SPARCL1: variants seen among roughly 807,000 people sequenced by gnomAD.
SPARCL1 encodes the protein SPARC-like protein 1.
SPARCL1 carries 52 observed loss-of-function variants against 67.1 expected under a neutral mutation model. The observed-to-expected ratio is 0.78, with a 90% CI of 0.62 to 0.98. The LOEUF (loss-of-function observed/expected upper bound fraction) is 0.98. SPARCL1 is among the 50% of genes least tolerant of loss of function. The probability of loss-of-function intolerance (pLI) is 0.00; values close to 1 mark genes in which losing one functional copy is unlikely to be tolerated. For synonymous variants in SPARCL1, 226 were observed against 267.8 expected (o/e 0.84, Z 1.52); for missense variants, 717 against 782.4 (o/e 0.92, Z 1.00).
At chr4:87,479,717 C>G (rs575865057) in intron 9 of SPARCL1, 139 bp from the exon 10 acceptor site, 1 of 740,294 alleles carries the variant, frequency 1.4e-6, no homozygotes, top group Non-Finnish European at 2.2e-6. Context: ...AAACTGCCAA[C>G]GAAATAAAGT....
At position 87,505,723 on chromosome 4, in the gene SPARCL1, T is replaced by TG. The variant is rs1553970442; in HGVS notation, c.-11-6139dup. 9.2e-4 allele frequency among the ~76,000 whole-genome samples: 99 copies of TG among 107,938 alleles called. 1 individual carries two copies. Among genetic ancestry groups the TG allele is most frequent in the East Asian group, 6.1e-3 (13 of 2,128 alleles). The allele number at this position is 107,938 out of a possible 152,430, so 70.8% of individuals were successfully genotyped here. On this transcript the variant is annotated intron_variant, in intron 1 of 10. Coordinates refer to ENST00000282470, the MANE Select transcript of SPARCL1 (RefSeq NM_004684.6). ...GTGCAAACTATTATGCTCAGCTAATTGTTTTTTTTTTTTTTTGTAGAGATG... is the reference window on the plus strand; with the variant it reads ...GTGCAAACTATTATGCTCAGCTAATTGGTTTTTTTTTTTTTTTGTAGAGATG...
intron 1 of SPARCL1, among the ~76,000 whole-genome samples, chr4:87,515,040 T>C (rs1725524378): frequency 6.6e-6 from 1 of 152,184 alleles, no homozygotes; most frequent in Non-Finnish European, 1.5e-5. Flanking sequence ...AAACTCCAGA[T>C]GAAAAATGCA....
chr4:87,524,917 C>T (rs369410874), intron 1 of SPARCL1, among the ~76,000 whole-genome samples: 1 of 152,096 alleles, frequency 6.6e-6, no homozygotes, highest in Non-Finnish European at 1.5e-5. Flanking sequence ...AATCCCAGCA[C>T]CTTGGGAGCC....
chr4:87,524,759 G>C (rs1214129601), intron 1 of SPARCL1, among the ~76,000 whole-genome samples: 2 of 152,164 alleles, frequency 1.3e-5, no homozygotes, highest in Non-Finnish European at 2.9e-5. Context: ...TTTCTACGAA[G>C]TGAGCAGCAG....
intron 1 of SPARCL1, among the ~76,000 whole-genome samples, chr4:87,514,023 G>A (rs955203720): frequency 3.0e-4 from 45 of 152,052 alleles, no homozygotes; most frequent in Admixed American, 6.5e-4. Context: ...GTGAAACCCC[G>A]TCTCTACTGA....
In SPARCL1 at chr4:87,493,762, A is replaced by G. The variant is rs764387648; in HGVS notation, c.1038T>C (p.Asp346=). The part of the protein sequence containing the change: ...GVDDDGDDDG[D]DGGTDGPRHS... Reference sequence around the variant, plus strand: ...GCCTGGGGCCATCAGTGCCGCCATCATCGCCATCATCATCGCCATCATCAT... The same window carrying G: ...GCCTGGGGCCATCAGTGCCGCCATCGTCGCCATCATCATCGCCATCATCAT... Residue 346 remains aspartate, a synonymous_variant, in exon 4 of 11, where the codon GAT becomes GAC. Coordinates refer to ENST00000282470, the MANE Select transcript of SPARCL1 (RefSeq NM_004684.6). The G allele has an allele frequency of 6.2e-7, 1 of 1,614,044 alleles. No individual in the cohort carries two copies.
chr4:87,492,417 CAA>C (rs1217416962), intron 4 of SPARCL1, among the ~76,000 whole-genome samples: 21 of 75,178 alleles, frequency 2.8e-4, no homozygotes, highest in Admixed American at 6.4e-4. Context: ...GACTCCGTCT[CAA>C]AAAAAAAAAA....
chr4:87,494,468 A>G lies in SPARCL1; in HGVS notation c.332T>C (p.Leu111Ser), dbSNP rs1487106078. The G allele has an allele frequency of 1.2e-6, 2 of 1,613,990 alleles. No homozygotes were observed. Among genetic ancestry groups the G allele is most frequent in the Non-Finnish European group, 1.7e-6 (2 of 1,180,006 alleles). ...EDSDGHLSVN[L>S]EYAPTEGTLD... is the part of the protein sequence containing the mutation. The stretch of plus-strand genomic sequence containing the variant: ...TGTACCTTCAGTTGGTGCATACTCC[A>G]AATTCACACTTAAGTGACCATCACT... Residue 111 changes from leucine to serine, a missense_variant, in exon 4 of 11, where the codon TTG (leucine) becomes TCG (serine). Physicochemically the swap from Leu to Ser is moderately radical, Grantham distance 145 (BLOSUM62 -2). Transcript: ENST00000282470.
intron 1 of SPARCL1, among the ~76,000 whole-genome samples, chr4:87,507,506 A>G (rs6811470): frequency 0.45 from 67,828 of 151,692 alleles, 15,788 homozygotes; most frequent in East Asian, 0.75. Flanking sequence ...CCTAAGCACA[A>G]GGACACATAG....
chr4:87,514,098 G>T (rs2110256822), intron 1 of SPARCL1, among the ~76,000 whole-genome samples: 1 of 152,270 alleles, frequency 6.6e-6, no homozygotes, highest in Non-Finnish European at 1.5e-5. Flanking sequence ...GGAGGCTGAG[G>T]CAGGAGAATT....
At chr4:87,502,137 A>G (rs1724879875) in intron 1 of SPARCL1, among the ~76,000 whole-genome samples, 1 of 151,996 alleles carries the variant, frequency 6.6e-6, no homozygotes. Context: ...ATACCTTTAT[A>G]CTTCATTTTC....
chr4:87,478,727 C>T (rs1007392567), intron 10 of SPARCL1, among the ~76,000 whole-genome samples: 7 of 152,144 alleles, frequency 4.6e-5, no homozygotes, highest in Admixed American at 2.0e-4. Context: ...CATGAGCCAC[C>T]GTGCCCAGCC....
chr4:87,503,955 G>A (rs115272416), intron 1 of SPARCL1, among the ~76,000 whole-genome samples: 1 of 151,858 alleles, frequency 6.6e-6, no homozygotes, highest in African/African-American at 2.4e-5. Context: ...AGCAGCAAAT[G>A]AAGTTTTTAT....
intron 1 of SPARCL1, among the ~76,000 whole-genome samples, chr4:87,506,503 G>T (rs750435274): frequency 1.4e-4 from 21 of 152,162 alleles, no homozygotes; most frequent in Non-Finnish European, 2.5e-4. Flanking sequence ...AGAACAAAAA[G>T]GCAGGGGAAG....
At chr4:87,527,009 C>G (rs1726070893) in intron 1 of SPARCL1, among the ~76,000 whole-genome samples, 2 of 152,162 alleles carry the variant, frequency 1.3e-5, no homozygotes, top group South Asian at 4.1e-4. Context: ...TGGATATAAA[C>G]CACGGTCTTA....
intron 2 of SPARCL1, among the ~76,000 whole-genome samples, chr4:87,499,022 C>T (rs968975591): frequency 6.6e-6 from 1 of 151,856 alleles, no homozygotes; most frequent in South Asian, 2.1e-4. Context: ...TTACAGGTGC[C>T]CGCCACCATG....
At chr4:87,499,679 C>T in intron 1 of SPARCL1, 94 bp from the exon 2 acceptor site, 1 of 883,622 alleles carries the variant, frequency 1.1e-6, no homozygotes, top group East Asian at 2.6e-5. Context: ...TTGATATTGT[C>T]CTTGGCATAT....
chr4:87,487,256 C>T (rs1011997747), intron 7 of SPARCL1, among the ~76,000 whole-genome samples: 1 of 152,070 alleles, frequency 6.6e-6, no homozygotes, highest in African/African-American at 2.4e-5. Flanking sequence ...ACATTTAGTG[C>T]TTCCTTCAGA....
intron 1 of SPARCL1, among the ~76,000 whole-genome samples, chr4:87,507,275 C>A (rs942324330): frequency 1.3e-5 from 2 of 152,150 alleles, no homozygotes; most frequent in South Asian, 2.1e-4. Flanking sequence ...AGGCTCATTT[C>A]TTTTTGTTTG....
Sources: gnomAD v4.1 joint callset for allele counts (sites outside exome capture counted in the v4.1 genomes callset) on GRCh38, gnomAD v4.1.1 for gene constraint, MANE v1.5 for transcripts, NCBI Gene and HGNC (gene_info 2026-07-23, HGNC 2026-07-21) for gene names.